CYP2C18: variants seen among roughly 807,000 people sequenced by gnomAD.
CYP2C18 encodes cytochrome P450 2C18.
Under a neutral mutation model 41.3 loss-of-function variants are expected in CYP2C18, and 38 were observed. The observed-to-expected ratio is 0.92, with a 90% CI of 0.71 to 1.21. CYP2C18 has a LOEUF of 1.21. Among genes scored for constraint, CYP2C18 ranks in the 50% most tolerant of loss-of-function variants. The probability of loss-of-function intolerance (pLI) is 0.00; values close to 1 mark genes in which losing one functional copy is unlikely to be tolerated. For missense variants in CYP2C18, 635 were observed against 591.4 expected, an observed-to-expected ratio of 1.07 and a Z score of -0.77; for synonymous variants, 236 against 210.0, an observed-to-expected ratio of 1.12 and a Z score of -1.07.
chr10:94,708,185 G>A (rs1295606788), intron 5 of CYP2C18, among the ~76,000 whole-genome samples: 2 of 152,176 alleles, frequency 1.3e-5, no homozygotes, highest in South Asian at 4.1e-4. Flanking sequence ...TGGAATGTTA[G>A]CAGGACTGCT....
Position 94,735,463 on chromosome 10 carries a change from G to T in CYP2C18, c.*19G>T. ...TGTCTGAAGAAGGGCAGATAGTTTG[G>T]CTGCTCCTGTGCTGTCACCTGCAAT... On this transcript the variant is annotated 3_prime_UTR_variant, in exon 9 of 9. Transcript: ENST00000285979. The T allele has an allele frequency of 6.2e-7, 1 of 1,612,722 alleles. No homozygotes were observed. Among genetic ancestry groups the T allele is most frequent in the Non-Finnish European group, 8.5e-7 (1 of 1,179,008 alleles).
chr10:94,710,212 C>T (rs1847412092), intron 5 of CYP2C18, among the ~76,000 whole-genome samples: 1 of 152,232 alleles, frequency 6.6e-6, no homozygotes, highest in South Asian at 2.1e-4. Context: ...CTCAAGCAGT[C>T]CACCCACCCT....
chr10:94,702,953 C>T (rs1471696833), intron 4 of CYP2C18, among the ~76,000 whole-genome samples: 1 of 152,130 alleles, frequency 6.6e-6, no homozygotes, highest in Non-Finnish European at 1.5e-5. Context: ...GATGTTATTG[C>T]TTTCTGTTTG....
At chr10:94,700,126 A>G (rs924161569) in intron 4 of CYP2C18, among the ~76,000 whole-genome samples, 2 of 152,204 alleles carry the variant, frequency 1.3e-5, no homozygotes, top group African/African-American at 4.8e-5. Flanking sequence ...GGAAAAAACT[A>G]CTTTAAAGTT....
At chr10:94,698,075 G>A (rs1847156372) in intron 4 of CYP2C18, among the ~76,000 whole-genome samples, 1 of 152,184 alleles carries the variant, frequency 6.6e-6, no homozygotes, top group Non-Finnish European at 1.5e-5. Context: ...AGATCAAGGA[G>A]ACAGAAGGTT....
intron 5 of CYP2C18, among the ~76,000 whole-genome samples, chr10:94,718,643 G>A (rs1008942141): frequency 6.6e-6 from 1 of 152,060 alleles, no homozygotes; most frequent in African/African-American, 2.4e-5. Flanking sequence ...CAATTTGCAG[G>A]ACATGCTAAC....
intron 7 of CYP2C18, among the ~76,000 whole-genome samples, chr10:94,730,793 A>G (rs1847818021): frequency 6.6e-6 from 1 of 152,206 alleles, no homozygotes; most frequent in East Asian, 1.9e-4. Flanking sequence ...AGACTCTTCC[A>G]AAAGGGCCTC....
intron 4 of CYP2C18, among the ~76,000 whole-genome samples, chr10:94,697,427 T>G (rs1263951718): frequency 1.3e-5 from 2 of 152,074 alleles, no homozygotes; most frequent in Non-Finnish European, 2.9e-5. Context: ...GACAAGCAAA[T>G]GCTGAGAGAT....
At chr10:94,723,917 A>G (rs1020249041) in intron 6 of CYP2C18, among the ~76,000 whole-genome samples, 5 of 152,180 alleles carry the variant, frequency 3.3e-5, no homozygotes, top group Non-Finnish European at 7.4e-5. Flanking sequence ...GTTTCAAATA[A>G]ACATATGCAC....
At chr10:94,733,794 T>C (rs900145017) in intron 8 of CYP2C18, among the ~76,000 whole-genome samples, 1 of 152,142 alleles carries the variant, frequency 6.6e-6, no homozygotes, top group Non-Finnish European at 1.5e-5. Context: ...CAACTTTGAA[T>C]ATCTTCCCTG....
intron 4 of CYP2C18, among the ~76,000 whole-genome samples, chr10:94,704,581 G>A (rs952054105): frequency 4.6e-5 from 7 of 152,044 alleles, no homozygotes; most frequent in Non-Finnish European, 1.0e-4. Flanking sequence ...AAGAAAGGAA[G>A]GAAGGAAGGT....
intron 5 of CYP2C18, among the ~76,000 whole-genome samples, chr10:94,712,856 TTCTC>T (rs983611934): frequency 1.3e-5 from 2 of 152,218 alleles, no homozygotes; most frequent in African/African-American, 4.8e-5. Context: ...CACTTGTTTT[TTCTC>T]TCTTTGATAA....
chr10:94,732,150 A>T (rs1847844904), intron 7 of CYP2C18, among the ~76,000 whole-genome samples: 1 of 152,244 alleles, frequency 6.6e-6, no homozygotes, highest in African/African-American at 2.4e-5. Context: ...AAATAATGCC[A>T]TTAAAAAGTA....
chr10:94,732,548 A>G (rs532154026), intron 7 of CYP2C18, among the ~76,000 whole-genome samples: 76 of 152,328 alleles, frequency 5.0e-4, no homozygotes, highest in Admixed American at 2.2e-3. Context: ...ACTATTCACA[A>G]TGGCAAAGGA....
At chr10:94,719,661 G>A (rs935616713) in intron 5 of CYP2C18, among the ~76,000 whole-genome samples, 8 of 147,774 alleles carry the variant, frequency 5.4e-5, no homozygotes, top group Admixed American at 3.4e-4. Flanking sequence ...TGCAACCTCC[G>A]TCTCCTGGGT....
At position 94,733,422 on chromosome 10, in the gene CYP2C18, C is replaced by T. The variant is rs923222545; in HGVS notation, c.1275C>T (p.Phe425=). 15 of 1,613,172 alleles carry T rather than the reference C, an allele frequency of 9.3e-6. No individual in the cohort carries two copies. Among genetic ancestry groups the T allele is most frequent in the Non-Finnish European group, 1.3e-5 (15 of 1,179,476 alleles). ...KSGNFKKSDY[F]MPFSAGKRMC... ...GCAACTTTAAGAAAAGTGACTACTT[C>T]ATGCCTTTCTCAGCAGGTAATAGAT... The change falls in exon 8 of 9, where the codon TTC becomes TTT. Residue 425 remains phenylalanine, a synonymous_variant. Transcript: ENST00000285979.
At chr10:94,715,405 T>A (rs1212970420) in intron 5 of CYP2C18, among the ~76,000 whole-genome samples, 1 of 152,230 alleles carries the variant, frequency 6.6e-6, no homozygotes. Context: ...TTGAATTTTG[T>A]CAAAGGCCTT....
At chr10:94,699,215 A>G (rs1449272753) in intron 4 of CYP2C18, among the ~76,000 whole-genome samples, 1 of 152,224 alleles carries the variant, frequency 6.6e-6, no homozygotes, top group Non-Finnish European at 1.5e-5. Context: ...ATGAACATCG[A>G]TGCAAAAATC....
chr10:94,692,332 A>G (rs944488304), intron 3 of CYP2C18, among the ~76,000 whole-genome samples: 2 of 152,204 alleles, frequency 1.3e-5, no homozygotes, highest in African/African-American at 2.4e-5. Context: ...TACAAGAAAA[A>G]AAAAAGATCC....
Sources: gnomAD v4.1 joint callset for allele counts (sites outside exome capture counted in the v4.1 genomes callset) on GRCh38, gnomAD v4.1.1 for gene constraint, MANE v1.5 for transcripts, NCBI Gene and HGNC (gene_info 2026-07-23, HGNC 2026-07-21) for gene names.